The following AK4 variants were observed in gnomAD, a reference collection of about 807,000 sequenced individuals.
AK4 encodes the protein adenylate kinase 4, also known as adenylate kinase 4, mitochondrial.
Under a neutral mutation model 24.6 loss-of-function variants are expected in AK4, and 13 were observed. That is an observed-to-expected ratio of 0.53 (90% CI 0.34 to 0.84). AK4 has a LOEUF of 0.84. Among genes scored for constraint, AK4 ranks in the 40% least tolerant of loss-of-function variants. AK4 has a pLI of 0.01. For synonymous variants in AK4, 88 were observed against 107.0 expected, an observed-to-expected ratio of 0.82 and a Z score of 1.10; for missense variants, 192 against 288.2, an observed-to-expected ratio of 0.67 and a Z score of 2.42.
At position 65,172,103 on chromosome 1, in the gene AK4, A is replaced by ATATATATATATATATATATT. The variant is rs1553122938; in HGVS notation, c.146-18606_146-18605insATATATATATATATATATTT. Among the ~76,000 whole-genome samples the ATATATATATATATATATATT allele has an allele frequency of 5.9e-4, 68 of 115,496 alleles. 3 individuals carry two copies. The highest frequency in any genetic ancestry group is 3.6e-3 in the East Asian group (12 of 3,290). The allele number at this position is 115,496 out of a possible 152,430, so 75.8% of individuals were successfully genotyped here. A position where few individuals can be genotyped will look rare whatever the true frequency, so the allele number is the denominator to read the frequency against. On this transcript the variant is annotated intron_variant, in intron 1 of 4. Coordinates refer to ENST00000327299, the MANE Select transcript of AK4 (RefSeq NM_013410.4). ...TATATATATATATATATATATATAT[A>ATATATATATATATATATATT]TTTAAACTCATTACACTTCCCAAAT...
rs190911680 is a variant in AK4, at chr1:65,151,344, C to A, written c.145+2792C>A. Among the ~76,000 whole-genome samples, 234 of 152,300 alleles carry A rather than the reference C, an allele frequency of 1.5e-3. 1 individual carries two copies. Among genetic ancestry groups the A allele is most frequent in the African/African-American group, 5.5e-3 (228 of 41,560 alleles). On this transcript the variant is annotated intron_variant, in intron 1 of 4. Transcript: ENST00000327299. ...GCAGTGTAAAAATGCCTGTCTCACA[C>A]CCAGTAAGATATCTGCTGAGTGGCT... is the stretch of plus-strand genomic sequence containing the variant.
intron 1 of AK4, among the ~76,000 whole-genome samples, chr1:65,161,985 C>T (rs1033630930): frequency 6.6e-6 from 1 of 152,170 alleles, no homozygotes; most frequent in Non-Finnish European, 1.5e-5. Context: ...CGGTGGTTCA[C>T]ACCTGTAATC....
At chr1:65,185,508 A>G (rs1165622874) in intron 1 of AK4, among the ~76,000 whole-genome samples, 1 of 152,180 alleles carries the variant, frequency 6.6e-6, no homozygotes, top group Non-Finnish European at 1.5e-5. Flanking sequence ...CATCTCTGCA[A>G]CATTTGCTGT....
chr1:65,179,136 A>G (rs1650817377), intron 1 of AK4, among the ~76,000 whole-genome samples: 1 of 152,212 alleles, frequency 6.6e-6, no homozygotes, highest in Non-Finnish European at 1.5e-5. Context: ...ACAGCCACAT[A>G]GAAACTGAGT....
intron 2 of AK4, among the ~76,000 whole-genome samples, chr1:65,213,018 GTTGTC>G (rs1158808808): frequency 2.0e-5 from 3 of 152,214 alleles, no homozygotes; most frequent in Non-Finnish European, 4.4e-5. Flanking sequence ...CCAAGGCACA[GTTGTC>G]TTGTCTTTGT....
chr1:65,150,282 TC>T lies in AK4; in HGVS notation c.145+1731del, dbSNP rs900295334. 7.6e-3 allele frequency among the ~76,000 whole-genome samples: 894 copies of T among 117,752 alleles called. 14 individuals carry two copies. The highest frequency in any genetic ancestry group is 0.046 in the African/African-American group (839 of 18,118). The allele number at this position is 117,752 out of a possible 152,430, so 77.2% of individuals were successfully genotyped here. A position where few individuals can be genotyped will look rare whatever the true frequency, so the allele number is the denominator to read the frequency against. On this transcript the variant is annotated intron_variant, in intron 1 of 4. Coordinates refer to ENST00000327299, the MANE Select transcript of AK4 (RefSeq NM_013410.4). ...CCCTTGTTCTCTCTTTCTCTCTCTC[TC>T]TCTTTTTTTTTTTTAACTTTCCTGT...
At chr1:65,150,760 GT>G (rs1200350845) in intron 1 of AK4, among the ~76,000 whole-genome samples, 1 of 152,200 alleles carries the variant, frequency 6.6e-6, no homozygotes, top group Non-Finnish European at 1.5e-5. Context: ...AAATAGAACC[GT>G]GTAGGAATTT....
chr1:65,171,224 G>T (rs369669489), intron 1 of AK4, among the ~76,000 whole-genome samples: 1 of 141,220 alleles, frequency 7.1e-6, no homozygotes, highest in African/African-American at 2.7e-5. Flanking sequence ...ACCTCCCAAA[G>T]TGCTGGGATT....
intron 1 of AK4, among the ~76,000 whole-genome samples, chr1:65,150,160 G>T (rs1214256808): frequency 6.6e-6 from 1 of 152,130 alleles, no homozygotes; most frequent in Non-Finnish European, 1.5e-5. Context: ...CCTGGGACTG[G>T]ACTCATAGCC....
chr1:65,152,384 A>ATTTT (rs552572978), intron 1 of AK4, among the ~76,000 whole-genome samples: 7 of 16,460 alleles, frequency 4.3e-4, no homozygotes, highest in Non-Finnish European at 7.5e-4. Context: ...ATATATATAT[A>ATTTT]TTTTTTTTTT....
intron 1 of AK4, among the ~76,000 whole-genome samples, chr1:65,164,282 T>A (rs1650259497): frequency 6.6e-6 from 1 of 152,168 alleles, no homozygotes; most frequent in Admixed American, 6.5e-5. Flanking sequence ...AGAAGCAAGA[T>A]GGAGTCGGTT....
At chr1:65,160,880 C>T (rs1650136948) in intron 1 of AK4, among the ~76,000 whole-genome samples, 2 of 152,258 alleles carry the variant, frequency 1.3e-5, no homozygotes, top group Admixed American at 1.3e-4. Flanking sequence ...CAGGTGTGAG[C>T]CACCACACTG....
At chr1:65,210,693 C>T (rs1169620915) in intron 2 of AK4, among the ~76,000 whole-genome samples, 1 of 151,922 alleles carries the variant, frequency 6.6e-6, no homozygotes, top group Non-Finnish European at 1.5e-5. Flanking sequence ...TATCTTTATC[C>T]TTCATATCTT....
intron 3 of AK4, among the ~76,000 whole-genome samples, chr1:65,223,618 C>T (rs1652362739): frequency 6.6e-6 from 1 of 152,060 alleles, no homozygotes; most frequent in Non-Finnish European, 1.5e-5. Context: ...TAATGTCCTT[C>T]ATGAGATTTT....
chr1:65,164,264 TCAAGGTTAGAAG>T (rs1338288772), intron 1 of AK4, among the ~76,000 whole-genome samples: 2 of 152,188 alleles, frequency 1.3e-5, no homozygotes, highest in East Asian at 3.9e-4. Flanking sequence ...AAGGGCAGCT[TCAAGGTTAGAAG>T]CAAGATGGAG....
chr1:65,164,945 A>G (rs1012898476), intron 1 of AK4, among the ~76,000 whole-genome samples: 1 of 152,216 alleles, frequency 6.6e-6, no homozygotes, highest in Non-Finnish European at 1.5e-5. Context: ...AACAGTTAAG[A>G]GGCTGTCAGT....
chr1:65,149,060 G>GC (rs946028884), intron 1 of AK4: 20 of 152,476 alleles, frequency 1.3e-4, no homozygotes, highest in Admixed American at 1.2e-3. Flanking sequence ...CGCCTCTCCA[G>GC]CCCCTCCACG....
chr1:65,148,617 G>T, intron 1 of AK4, 65 bp downstream of exon 1: 1 of 1,466,544 alleles, frequency 6.8e-7, no homozygotes, highest in Non-Finnish European at 9.1e-7. Context: ...GCCCTGGAGG[G>T]ACTGGGGCTC....
intron 3 of AK4, 69 bp downstream of exon 3, chr1:65,218,995 G>A: frequency 7.6e-7 from 1 of 1,308,860 alleles, no homozygotes; most frequent in South Asian, 1.5e-5. Context: ...GAAAAGTGGA[G>A]AAAAGGATAT....
Sources: allele counts gnomAD v4.1 joint callset (sites outside exome capture counted in the v4.1 genomes callset), GRCh38; gene constraint gnomAD v4.1.1; transcripts MANE v1.5; gene names NCBI Gene and HGNC (gene_info 2026-07-23, HGNC 2026-07-21).